Variants in ENTPD4 observed in about 807,000 individuals in gnomAD.
ENTPD4 encodes Golgi UDPase.
In ENTPD4, 60 loss-of-function variants were observed where a neutral mutation model predicts 79.1. The observed-to-expected ratio is 0.76, with a 90% CI of 0.62 to 0.94. ENTPD4 has a LOEUF of 0.94. Ranked by LOEUF, ENTPD4 falls within the 40% of genes least tolerant of loss-of-function variation. The pLI, the probability that ENTPD4 is intolerant of heterozygous loss-of-function variation, is 0.00. For missense variants in ENTPD4, 772 were observed against 775.1 expected, an observed-to-expected ratio of 1.00 and a Z score of 0.05; for synonymous variants, 276 against 292.0, an observed-to-expected ratio of 0.95 and a Z score of 0.56.
chr8:23,452,348 A>G (rs1027481512), intron 1 of ENTPD4, among the ~76,000 whole-genome samples: 1 of 152,150 alleles, frequency 6.6e-6, no homozygotes, highest in Non-Finnish European at 1.5e-5. Flanking sequence ...GACATTTCCA[A>G]AACAAACAGG....
rs773166801 is a variant in ENTPD4, at chr8:23,437,113, T to A, written c.1195A>T (p.Ile399Phe). 6.2e-7 allele frequency: 1 copy of A among 1,614,102 alleles called. No individual in the cohort carries two copies. Among genetic ancestry groups the A allele is most frequent in the East Asian group, 2.2e-5 (1 of 44,894 alleles). Residue 399 changes from isoleucine (I) to phenylalanine (F), a missense_variant, in exon 10 of 13, where the codon ATC becomes TTC. Coordinates refer to ENST00000358689, the MANE Select transcript of ENTPD4 (RefSeq NM_004901.5). ...TTTGTTTTATTCATGAAAGGCTGGATAGTCTCTCGACACAGGTCAAAGTCT... is the reference window on the plus strand; with the variant it reads ...TTTGTTTTATTCATGAAAGGCTGGAAAGTCTCTCGACACAGGTCAAAGTCT... ...TGDFDLCRET[I>F]QPFMNKTNET... is the part of the protein sequence containing the mutation.
rs975472521 is a variant in ENTPD4, at chr8:23,434,588, C to G, written c.1461-110G>C. The G allele has an allele frequency of 1.9e-5, 29 of 1,524,870 alleles. No homozygotes were observed. In the East Asian group the frequency reaches 5.6e-4, roughly 30 times the overall value. 94.5% of individuals were successfully genotyped at this position (1,524,870 alleles called of 1,614,324 possible). On this transcript the variant is annotated intron_variant, in intron 11 of 12. Transcript: ENST00000358689. Reference sequence around the variant, plus strand: ...TCTGTGGGCAGCCTTGGGGCAGGGGCTTCCTCAGGCCGGCTCTCCCAAACC... The same window carrying G: ...TCTGTGGGCAGCCTTGGGGCAGGGGGTTCCTCAGGCCGGCTCTCCCAAACC...
chr8:23,440,090 T>C (rs1800641516), intron 8 of ENTPD4, 175 bp from the exon 9 acceptor site: 1 of 555,002 alleles, frequency 1.8e-6, no homozygotes, highest in Non-Finnish European at 3.1e-6. Context: ...ATTTAGGAAA[T>C]TTCAGATGGG....
intron 8 of ENTPD4, chr8:23,441,353 C>A (rs1264232830): frequency 1.1e-6 from 1 of 937,836 alleles, no homozygotes; most frequent in Admixed American, 6.2e-5. Flanking sequence ...AAAAACTCTA[C>A]GTTCAGAAAA....
chr8:23,435,949 A>G (rs975804063), intron 10 of ENTPD4, among the ~76,000 whole-genome samples: 4 of 152,198 alleles, frequency 2.6e-5, no homozygotes, highest in Non-Finnish European at 4.4e-5. Flanking sequence ...ACTTTTATTG[A>G]GCATTGTGTA....
At position 23,449,687 on chromosome 8, in the gene ENTPD4, T is replaced by A. The variant is rs574066146; in HGVS notation, c.8+206A>T. On this transcript the variant is annotated intron_variant, in intron 2 of 12. Transcript: ENST00000358689. ...ACTGCCTTTGGGATAAATTCTATTA[T>A]TTTACAGTTAATTTCTTTACTCTTC... 2.0e-5 allele frequency among the ~76,000 whole-genome samples: 3 copies of A among 152,340 alleles called. No homozygotes were observed. The South Asian group carries it at 6.2e-4, about 32-fold the overall frequency.
At chr8:23,442,133 G>A (rs976063759) in intron 6 of ENTPD4, 67 bp from the exon 7 acceptor site, 12 of 1,101,148 alleles carry the variant, frequency 1.1e-5, no homozygotes, top group South Asian at 3.8e-5. Flanking sequence ...TCCTATCTGC[G>A]CAGTCTGTGC....
chr8:23,437,342 A>T, intron 9 of ENTPD4, 84 bp from the exon 10 acceptor site: 1 of 1,043,130 alleles, frequency 9.6e-7, no homozygotes, highest in Non-Finnish European at 1.4e-6. Flanking sequence ...GTTTCTCAAA[A>T]TACGCTCTGT....
chr8:23,449,031 G>GAAGGAAAAAGATTTTAAAGCAATCTGCT, intron 2 of ENTPD4, 92 bp from the exon 3 acceptor site: 1 of 1,063,810 alleles, frequency 9.4e-7, no homozygotes, highest in South Asian at 1.4e-5. Context: ...TTTGGCTTGA[G>GAAGGAAAAAGATTTTAAAGCAATCTGCT]CTACCTGGAT....
intron 4 of ENTPD4, 81 bp from the exon 5 acceptor site, chr8:23,444,687 G>A (rs762890358): frequency 8.0e-7 from 1 of 1,243,294 alleles, no homozygotes; most frequent in Non-Finnish European, 1.2e-6. Flanking sequence ...GCTAATTTTA[G>A]GGAAATCATG....
intron 4 of ENTPD4, among the ~76,000 whole-genome samples, chr8:23,446,674 A>G (rs951689693): frequency 2.0e-5 from 3 of 152,158 alleles, no homozygotes; most frequent in African/African-American, 7.2e-5. Context: ...CAACTTGTTG[A>G]GGGCTGCCTG....
intron 12 of ENTPD4, 76 bp from the exon 13 acceptor site, chr8:23,433,230 C>T (rs1343350481): frequency 7.0e-6 from 9 of 1,280,040 alleles, no homozygotes; most frequent in South Asian, 2.6e-5. Context: ...AGGGGGACGG[C>T]GGGACCCAGG....
rs529241204 is a variant in ENTPD4, at chr8:23,449,150, G to A, written c.9-211C>T. On this transcript the variant is annotated intron_variant, in intron 2 of 12. Coordinates refer to ENST00000358689, the MANE Select transcript of ENTPD4 (RefSeq NM_004901.5). ...ATGAGAATCAGGCCCTGAAGGTTAC[G>A]ACACTTCTGGGTTTTCCCCTTCTCT... Among the ~76,000 whole-genome samples the A allele has an allele frequency of 3.9e-5, 6 of 152,262 alleles. No individual in the cohort carries two copies. The East Asian group carries it at 9.6e-4, about 24-fold the overall frequency.
rs1159625080 is a variant in ENTPD4, at chr8:23,439,903, T to C, written c.895A>G (p.Lys299Glu). 6.2e-7 allele frequency: 1 copy of C among 1,614,040 alleles called. No individual in the cohort carries two copies. The highest frequency in any genetic ancestry group is 8.5e-7 in the Non-Finnish European group (1 of 1,179,832). ...AAGTTAAATTCAGCTAACAAGTTTT[T>C]AGCTACTTCTTCCTGCAGACATAAG... The part of the protein sequence containing the change: ...FASSQQEEVA[K>E]NLLAEFNLGC... The change falls in exon 9 of 13, where the codon AAA becomes GAA. Residue 299 changes from lysine (K) to glutamate (E), a missense_variant. Transcript: ENST00000358689.
intron 1 of ENTPD4, among the ~76,000 whole-genome samples, chr8:23,454,390 G>C (rs1391429217): frequency 1.3e-5 from 2 of 152,190 alleles, no homozygotes; most frequent in Non-Finnish European, 2.9e-5. Flanking sequence ...GAGGAAGAAA[G>C]TCAGGACTAC....
rs1800416010 is a variant in ENTPD4, at chr8:23,429,322, C to T, written c.*3604G>A. On this transcript the variant is annotated 3_prime_UTR_variant, in exon 13 of 13. Transcript: ENST00000358689. Reference sequence around the variant, plus strand: ...CTTAAACAAAAAACATTTAAAGATGCTCCCTTGCTTTTTATAATTCCTAAC... The same window carrying T: ...CTTAAACAAAAAACATTTAAAGATGTTCCCTTGCTTTTTATAATTCCTAAC... 1.0e-6 allele frequency: 1 copy of T among 985,062 alleles called. No individual in the cohort carries two copies. Among genetic ancestry groups the T allele is most frequent in the South Asian group, 4.7e-5 (1 of 21,290 alleles). The allele number at this position is 985,062 out of a possible 1,614,324, so 61.0% of individuals were successfully genotyped here. A position where few individuals can be genotyped will look rare whatever the true frequency, so the allele number is the denominator to read the frequency against.
At chr8:23,433,886 G>C (rs1219617411) in intron 12 of ENTPD4, among the ~76,000 whole-genome samples, 1 of 152,170 alleles carries the variant, frequency 6.6e-6, no homozygotes, top group Non-Finnish European at 1.5e-5. Flanking sequence ...TAATAGAGAA[G>C]AACACATATT....
chr8:23,447,913 A>G (rs901172633), intron 3 of ENTPD4, 28 bp from the exon 4 acceptor site: 1 of 1,580,472 alleles, frequency 6.3e-7, no homozygotes, highest in Non-Finnish European at 8.7e-7. Context: ...GTATGCTTTG[A>G]TTTAGACAAA....
chr8:23,441,823 C>G, intron 7 of ENTPD4, 100 bp from the exon 8 acceptor site: 2 of 1,361,940 alleles, frequency 1.5e-6, no homozygotes, highest in Non-Finnish European at 2.0e-6. Flanking sequence ...CAAGCATATT[C>G]AGGCAAACCC....
Sources: gnomAD v4.1 joint callset for allele counts (sites outside exome capture counted in the v4.1 genomes callset) on GRCh38, gnomAD v4.1.1 for gene constraint, MANE v1.5 for transcripts, NCBI Gene and HGNC (gene_info 2026-07-23, HGNC 2026-07-21) for gene names.